The following RIOK3 variants were observed in gnomAD, a reference collection of about 807,000 sequenced individuals.
The protein encoded by RIOK3 is RIO kinase 3.
RIOK3 carries 40 observed loss-of-function variants against 63.5 expected under a neutral mutation model. The ratio of observed to expected loss-of-function variants is 0.63; its 90% confidence interval spans 0.49 to 0.82. RIOK3 has a LOEUF of 0.82. Ranked by LOEUF, RIOK3 falls within the 40% of genes least tolerant of loss-of-function variation. The pLI is 0.00. For synonymous variants in RIOK3, 193 were observed against 205.0 expected (o/e 0.94, Z 0.50); for missense variants, 557 against 637.0 (o/e 0.87, Z 1.35).
intron 1 of RIOK3, among the ~76,000 whole-genome samples, chr18:23,455,320 G>A (rs1024597990): frequency 1.1e-4 from 16 of 151,212 alleles, no homozygotes; most frequent in Non-Finnish European, 7.4e-5. Flanking sequence ...GTGTCCACCC[G>A]CCTCGGCCTC....
At chr18:23,476,799 C>A (rs1047085320) in intron 9 of RIOK3, among the ~76,000 whole-genome samples, 2 of 152,032 alleles carry the variant, frequency 1.3e-5, no homozygotes, top group African/African-American at 4.8e-5. Context: ...GTAGTCCGAG[C>A]TACTTGGGAG....
chr18:23,465,239 C>T (rs556089795), intron 5 of RIOK3, among the ~76,000 whole-genome samples: 2 of 152,072 alleles, frequency 1.3e-5, no homozygotes, highest in African/African-American at 2.4e-5. Context: ...GGCATGGTGG[C>T]GCATGCCTGT....
At chr18:23,469,397 T>C (rs1238494255) in intron 7 of RIOK3, among the ~76,000 whole-genome samples, 5 of 54,982 alleles carry the variant, frequency 9.1e-5, no homozygotes, top group Non-Finnish European at 1.4e-4. Flanking sequence ...CCCTCTCTCC[T>C]CTCTCCCCTC....
intron 1 of RIOK3, among the ~76,000 whole-genome samples, chr18:23,454,099 G>T (rs2057322795): frequency 6.6e-6 from 1 of 152,172 alleles, no homozygotes; most frequent in Non-Finnish European, 1.5e-5. Context: ...GCAAACTAAA[G>T]ACCTTTATTT....
intron 5 of RIOK3, 130 bp downstream of exon 5, chr18:23,464,758 A>G (rs1310140972): frequency 1.1e-5 from 5 of 475,932 alleles, no homozygotes; most frequent in African/African-American, 6.1e-5. Flanking sequence ...TTAGATAACA[A>G]TATGGCAATA....
rs1383349425 is a variant in RIOK3, at chr18:23,479,370, T to C, written c.1398T>C (p.Asn466=). Residue 466 remains asparagine (N), a synonymous_variant, in exon 12 of 13, where the codon AAT becomes AAC. Coordinates refer to ENST00000339486, the MANE Select transcript of RIOK3 (RefSeq NM_003831.5). Reference sequence around the variant, plus strand: ...CCCTTAGTGAACGAGAACTCTTCAATGCTGTTTCAGGCTTAAACATCACAG... The same window carrying C: ...CCCTTAGTGAACGAGAACTCTTCAACGCTGTTTCAGGCTTAAACATCACAG... ...KEALSERELF[N]AVSGLNITAD... is the part of the protein sequence containing the mutation. The C allele has an allele frequency of 1.2e-6, 2 of 1,614,038 alleles. No individual in the cohort carries two copies. Among genetic ancestry groups the C allele is most frequent in the African/African-American group, 2.7e-5 (2 of 75,042 alleles).
At chr18:23,469,854 C>T (rs1019587815) in intron 7 of RIOK3, among the ~76,000 whole-genome samples, 1 of 152,032 alleles carries the variant, frequency 6.6e-6, no homozygotes, top group African/African-American at 2.4e-5. Context: ...GTAATTTGTG[C>T]TAGATTACTC....
intron 1 of RIOK3, among the ~76,000 whole-genome samples, chr18:23,456,165 C>G (rs912589010): frequency 2.0e-5 from 3 of 151,748 alleles, no homozygotes; most frequent in Admixed American, 1.3e-4. Context: ...CTCCTGGGCT[C>G]AAGCAGTACC....
rs148713533 is a variant in RIOK3 at position 23,481,407 on chromosome 18, C to T, written c.*128C>T. On this transcript the variant is annotated 3_prime_UTR_variant, in exon 13 of 13. Coordinates refer to ENST00000339486, the MANE Select transcript of RIOK3 (RefSeq NM_003831.5). Reference sequence around the variant, plus strand: ...CAATGGTGCTTCTGTGCTTTTCCCCCTTGTAACCCATGTGCCAGATGTGTG... The same window carrying T: ...CAATGGTGCTTCTGTGCTTTTCCCCTTTGTAACCCATGTGCCAGATGTGTG... The T allele has an allele frequency of 2.6e-4, 155 of 589,114 alleles. No homozygotes were observed. In the East Asian group the frequency reaches 4.6e-3, roughly 18 times the overall value. The allele number at this position is 589,114 out of a possible 1,614,324, so 36.5% of individuals were successfully genotyped here.
intron 1 of RIOK3, among the ~76,000 whole-genome samples, chr18:23,462,422 C>T (rs11082516): frequency 0.18 from 27,993 of 152,130 alleles, 3,680 homozygotes; most frequent in East Asian, 0.34. Context: ...ATTACAGGCG[C>T]GCGCCACCGC....
In RIOK3 at chr18:23,473,050, G is replaced by A. The variant is rs78848052; in HGVS notation, c.816-379G>A. On this transcript the variant is annotated intron_variant, in intron 7 of 12. Coordinates refer to ENST00000339486, the MANE Select transcript of RIOK3 (RefSeq NM_003831.5). Reference sequence around the variant, plus strand: ...CTTTATGTCTGCTAGGAGTGAAAGAGTTATTTTTTAAAAAGCTGTTTTATT... The same window carrying A: ...CTTTATGTCTGCTAGGAGTGAAAGAATTATTTTTTAAAAAGCTGTTTTATT... Among the ~76,000 whole-genome samples the A allele has an allele frequency of 1.1e-3, 166 of 152,284 alleles. No homozygotes were observed. In the East Asian group the frequency reaches 0.03, roughly 28 times the overall value.
At chr18:23,477,907 G>A (rs748992723) in intron 11 of RIOK3, among the ~76,000 whole-genome samples, 12 of 151,456 alleles carry the variant, frequency 7.9e-5, no homozygotes, top group East Asian at 1.9e-4. Flanking sequence ...CTGTCTGTAC[G>A]AAAAATACAA....
chr18:23,466,808 T>C (rs1043808924), intron 6 of RIOK3, among the ~76,000 whole-genome samples: 2 of 149,766 alleles, frequency 1.3e-5, no homozygotes, highest in Admixed American at 6.7e-5. Flanking sequence ...CTGGGCAACA[T>C]AGGGAGACCC....
chr18:23,472,234 A>T (rs2057461308), intron 7 of RIOK3, among the ~76,000 whole-genome samples: 1 of 102,120 alleles, frequency 9.8e-6, no homozygotes. Context: ...CTCTGTCTCA[A>T]AAAAAAAAAG....
At chr18:23,458,512 C>T (rs1238229204) in intron 1 of RIOK3, among the ~76,000 whole-genome samples, 2 of 152,188 alleles carry the variant, frequency 1.3e-5, no homozygotes, top group African/African-American at 4.8e-5. Context: ...GAAGTAGAAT[C>T]GCTGACTGGA....
At chr18:23,479,200 T>C (rs1043010065) in intron 11 of RIOK3, 117 bp from the exon 12 acceptor site, 5 of 628,456 alleles carry the variant, frequency 8.0e-6, no homozygotes, top group East Asian at 2.8e-5. Flanking sequence ...TGTGTGTGTG[T>C]GCGTGTGCAC....
At chr18:23,462,209 G>A (rs2057376834) in intron 1 of RIOK3, among the ~76,000 whole-genome samples, 2 of 129,766 alleles carry the variant, frequency 1.5e-5, no homozygotes. Flanking sequence ...GCGCGATCTC[G>A]ACTCACTGCA....
intron 11 of RIOK3, among the ~76,000 whole-genome samples, chr18:23,478,130 A>C (rs536598743): frequency 1.3e-5 from 2 of 152,180 alleles, no homozygotes; most frequent in South Asian, 4.1e-4. Flanking sequence ...CCTTGTATAT[A>C]AGCAGTCGAG....
In RIOK3 at chr18:23,453,338, C is replaced by T; in HGVS notation, c.-102C>T. ...CCGCCATCTGTCACCTCCACTCCGG[C>T]ATCAGCAGCCAGTCGCCCGTGTCCC... is the stretch of plus-strand genomic sequence containing the variant. On this transcript the variant is annotated 5_prime_UTR_variant, in exon 1 of 13. Transcript: ENST00000339486. The T allele has an allele frequency of 2.1e-6, 2 of 955,462 alleles. No homozygotes were observed. Among genetic ancestry groups the T allele is most frequent in the African/African-American group, 3.2e-5 (2 of 62,486 alleles). 59.2% of individuals were successfully genotyped at this position (955,462 alleles called of 1,614,324 possible).
Sources: gnomAD v4.1 joint callset for allele counts (sites outside exome capture counted in the v4.1 genomes callset) on GRCh38, gnomAD v4.1.1 for gene constraint, MANE v1.5 for transcripts, NCBI Gene and HGNC (gene_info 2026-07-23, HGNC 2026-07-21) for gene names.